The following NLRC5 variants were observed in gnomAD, a reference collection of about 807,000 sequenced individuals.
The protein encoded by NLRC5 is protein NLRC5.
In NLRC5, 114 loss-of-function variants were observed where a neutral mutation model predicts 206.9. The observed-to-expected ratio is 0.55, with a 90% confidence interval of 0.47 to 0.64. The LOEUF is 0.64. Among genes scored for constraint, NLRC5 ranks in the 30% least tolerant of loss-of-function variants. The probability of loss-of-function intolerance (pLI) is 0.00; values close to 1 mark genes in which losing one functional copy is unlikely to be tolerated. For synonymous variants in NLRC5, 952 were observed against 962.8 expected (o/e 0.99, Z 0.21); for missense variants, 2,008 against 2,305.5 (o/e 0.87, Z 2.64).
At chr16:57,082,098 A>G (rs184262268) in intron 48 of NLRC5, among the ~76,000 whole-genome samples, 286 of 152,378 alleles carry the variant, frequency 1.9e-3, no homozygotes, top group Middle Eastern at 0.01. Flanking sequence ...CCAAAATCAT[A>G]TATTATGACA....
At chr16:57,055,708 C>G (rs1284997149) in intron 27 of NLRC5, among the ~76,000 whole-genome samples, 189 bp downstream of exon 27, 5 of 152,200 alleles carry the variant, frequency 3.3e-5, no homozygotes, top group Non-Finnish European at 7.3e-5. Flanking sequence ...TCTCCCGCCC[C>G]CACTCTCGCC....
intron 1 of NLRC5, among the ~76,000 whole-genome samples, chr16:56,990,180 G>A (rs2056638409): frequency 6.6e-6 from 1 of 151,790 alleles, no homozygotes; most frequent in Admixed American, 6.6e-5. Context: ...GGACAGTCAC[G>A]ACCCCAAGGC....
chr16:56,997,337 T>C (rs1380205705), intron 1 of NLRC5, among the ~76,000 whole-genome samples: 5 of 152,142 alleles, frequency 3.3e-5, no homozygotes, highest in African/African-American at 1.2e-4. Context: ...ACTCAGTACA[T>C]AACAGCCAAT....
intron 33 of NLRC5, among the ~76,000 whole-genome samples, chr16:57,065,503 G>A (rs79713357): frequency 0.025 from 3,813 of 152,292 alleles, 61 homozygotes; most frequent in Middle Eastern, 0.071. Flanking sequence ...CAGTGTCAGA[G>A]GAAGACATCC....
At chr16:57,043,639 G>T in intron 20 of NLRC5, 35 bp downstream of exon 20, 1 of 1,549,300 alleles carries the variant, frequency 6.5e-7, no homozygotes, top group Admixed American at 1.7e-5. Flanking sequence ...CCCTGCCCCT[G>T]TCCCCCATCC....
At chr16:57,007,335 C>T (rs967410592) in intron 1 of NLRC5, among the ~76,000 whole-genome samples, 35 of 152,316 alleles carry the variant, frequency 2.3e-4, no homozygotes, top group Admixed American at 9.8e-4. Context: ...AATATCCTTG[C>T]GAATCTAATA....
rs780457099 is a variant in NLRC5 at position 57,036,134 on chromosome 16, C to T, written c.2662C>T (p.Arg888Trp). The change falls in exon 14 of 49, where the codon CGG becomes TGG. Residue 888 changes from arginine (R) to tryptophan (W), a missense_variant. Arg to Trp is a moderately radical substitution (Grantham distance 101). Coordinates refer to ENST00000688547, the MANE Select transcript of NLRC5 (RefSeq NM_001384950.1). ...GAACCAGCTGGAAGATGAAGGCTGT[C>T]GGCTGATGGCAGAGGCTGCATCCCA... ...SGNQLEDEGC[R>W]LMAEAASQLH... 1.9e-5 allele frequency: 30 copies of T among 1,613,486 alleles called. No individual in the cohort carries two copies. The highest frequency in any genetic ancestry group is 1.7e-4 in the Middle Eastern group (1 of 6,046).
chr16:57,061,806 G>A, intron 32 of NLRC5, 105 bp downstream of exon 32: 4 of 1,540,886 alleles, frequency 2.6e-6, no homozygotes, highest in South Asian at 1.2e-5. Context: ...GTCATTTCCT[G>A]TACCCACAAC....
At chr16:57,021,418 G>A (rs979160258) in intron 3 of NLRC5, among the ~76,000 whole-genome samples, 5 of 152,138 alleles carry the variant, frequency 3.3e-5, no homozygotes, top group African/African-American at 9.7e-5. Flanking sequence ...GAGTGCAGTG[G>A]CACAATCATA....
chr16:57,032,988 C>A (rs1170669060), intron 11 of NLRC5, among the ~76,000 whole-genome samples: 1 of 151,610 alleles, frequency 6.6e-6, no homozygotes, highest in African/African-American at 2.4e-5. Context: ...CTGAGTGGGA[C>A]CCTGTCTCTA....
In NLRC5 at chr16:57,023,816, C is replaced by T. The variant is rs771334306; in HGVS notation, c.387C>T (p.Ser129=). 57 of 1,611,978 alleles carry T rather than the reference C, an allele frequency of 3.5e-5. No homozygotes were observed. Among genetic ancestry groups the T allele is most frequent in the Non-Finnish European group, 3.3e-5 (39 of 1,179,012 alleles). Residue 129 remains serine, a synonymous_variant, in exon 5 of 49, where the codon TCC becomes TCT. Coordinates refer to ENST00000688547, the MANE Select transcript of NLRC5 (RefSeq NM_001384950.1). ...GLKRPHQSCG[S]SPRRKQCKKQ... ...AGCGCCCACATCAGAGCTGTGGGTC[C>T]TCACCCCGCCGGAAGCAGTGCAAGA...
At chr16:57,062,150 T>G (rs2066594642) in intron 32 of NLRC5, 1 of 826,118 alleles carries the variant, frequency 1.2e-6, no homozygotes. Context: ...ATTTTTATTT[T>G]TATTTCAGCT....
Position 57,055,246 on chromosome 16 carries a change from G to C in NLRC5, c.3659+152G>C, listed in dbSNP as rs1459172403. 2.3e-5 allele frequency: 22 copies of C among 960,912 alleles called. 1 individual carries two copies. The highest frequency in any genetic ancestry group is 4.2e-4 in the Middle Eastern group (2 of 4,788). The allele number at this position is 960,912 out of a possible 1,614,324, so 59.5% of individuals were successfully genotyped here. A position where few individuals can be genotyped will look rare whatever the true frequency, so the allele number is the denominator to read the frequency against. ...AGGGACTTGTTTCACCCAGCATGAA[G>C]AAACACAGGTCCGGGTGGGATCTAC... On this transcript the variant is annotated intron_variant, in intron 26 of 48. Coordinates refer to ENST00000688547, the MANE Select transcript of NLRC5 (RefSeq NM_001384950.1).
intron 25 of NLRC5, 25 bp downstream of exon 25, chr16:57,054,865 G>A (rs756749531): frequency 6.2e-7 from 1 of 1,610,010 alleles, no homozygotes. Flanking sequence ...GGGACAGCCA[G>A]GACTCGTCCT....
chr16:57,036,197 C>T lies in NLRC5; in HGVS notation c.2711+14C>T, dbSNP rs372031186. 9 of 1,611,076 alleles carry T rather than the reference C, an allele frequency of 5.6e-6. No individual in the cohort carries two copies. The highest frequency in any genetic ancestry group is 7.6e-6 in the Non-Finnish European group (9 of 1,179,018). On this transcript the variant is annotated intron_variant, in intron 14 of 48. Coordinates refer to ENST00000688547, the MANE Select transcript of NLRC5 (RefSeq NM_001384950.1). ...CAGGAAGCTGGAGTGAGTTGTCCAC[C>T]CCACCGCTGGGTACCAGGGAAGGCC...
At chr16:57,001,905 A>G (rs1421173134) in intron 1 of NLRC5, among the ~76,000 whole-genome samples, 1 of 150,512 alleles carries the variant, frequency 6.6e-6, no homozygotes, top group Non-Finnish European at 1.5e-5. Flanking sequence ...GCCTCCTACT[A>G]TACTTCCCAT....
At chr16:57,047,684 C>T in intron 23 of NLRC5, 56 bp downstream of exon 23, 1 of 1,451,666 alleles carries the variant, frequency 6.9e-7, no homozygotes, top group Non-Finnish European at 9.6e-7. Flanking sequence ...GCCCAGTGAC[C>T]TGGGAGGGGG....
intron 19 of NLRC5, 38 bp from the exon 20 acceptor site, chr16:57,043,477 C>A: frequency 6.6e-7 from 1 of 1,514,108 alleles, no homozygotes; most frequent in Non-Finnish European, 9.2e-7. Context: ...TGTTTGGGTC[C>A]TGAGTGACCT....
At chr16:57,001,847 TCTAA>T (rs2058297358) in intron 1 of NLRC5, among the ~76,000 whole-genome samples, 1 of 152,170 alleles carries the variant, frequency 6.6e-6, no homozygotes. Flanking sequence ...TTTTATTCAT[TCTAA>T]CTATTTTTTG....
Sources: allele counts gnomAD v4.1 joint callset (sites outside exome capture counted in the v4.1 genomes callset), GRCh38; gene constraint gnomAD v4.1.1; transcripts MANE v1.5; gene names NCBI Gene and HGNC (gene_info 2026-07-23, HGNC 2026-07-21).